IQCE: variants seen among roughly 807,000 people sequenced by gnomAD.
The protein encoded by IQCE is IQ motif containing E, also known as IQ domain-containing protein E.
IQCE carries 115 observed loss-of-function variants against 96.0 expected under a neutral mutation model. The observed-to-expected ratio is 1.20, with a 90% CI of 1.03 to 1.40. The LOEUF is 1.40. Ranked by LOEUF, IQCE falls within the 40% of genes most tolerant of loss-of-function variation. IQCE has a pLI of 0.00. For missense variants in IQCE, 1,041 were observed against 909.1 expected (o/e 1.15, Z -1.87); for synonymous variants, 412 against 371.2 (o/e 1.11, Z -1.26).
chr7:2,587,670 A>G, intron 12 of IQCE, 152 bp from the exon 13 acceptor site: 1 of 741,388 alleles, frequency 1.3e-6, no homozygotes, highest in Non-Finnish European at 2.3e-6. Context: ...CGCTGGCAAA[A>G]TTCTCTGGTA....
intron 1 of IQCE, among the ~76,000 whole-genome samples, chr7:2,565,150 G>A (rs2128428617): frequency 6.6e-6 from 1 of 150,624 alleles, no homozygotes; most frequent in Non-Finnish European, 1.5e-5. Flanking sequence ...GTGTGTGTGT[G>A]TGTGCTGTGT....
At position 2,604,878 on chromosome 7, in the gene IQCE, C is replaced by A; in HGVS notation, c.1633-3C>A. The stretch of plus-strand genomic sequence containing the variant: ...TTTCTCTCCCTGCTTCCTTCCCTGA[C>A]AGGCGGCTGTGGTGCTTCAGGCAGC... On this transcript the variant is annotated splice_polypyrimidine_tract_variant and splice_region_variant and intron_variant, in intron 18 of 21. Coordinates refer to ENST00000402050, the MANE Select transcript of IQCE (RefSeq NM_152558.5). The A allele has an allele frequency of 6.2e-7, 1 of 1,611,488 alleles. No homozygotes were observed.
chr7:2,577,538 T>G (rs1382636092), intron 6 of IQCE, among the ~76,000 whole-genome samples: 15 of 118,914 alleles, frequency 1.3e-4, no homozygotes, highest in African/African-American at 1.4e-4. Context: ...CGTGCCCGCA[T>G]TGGCGTGTGC....
chr7:2,597,161 C>T lies in IQCE; in HGVS notation c.1441-1304C>T, dbSNP rs571764776. On this transcript the variant is annotated intron_variant, in intron 16 of 21. Transcript: ENST00000402050. ...AGGTGAGCCGGCTGGTTAGGGCCGG[C>T]GGGCTGGAAGCTTGAAGAATTTCAG... 69 of 466,356 alleles carry T rather than the reference C, an allele frequency of 1.5e-4. No individual in the cohort carries two copies. In the East Asian group the frequency reaches 1.8e-3, roughly 12 times the overall value. The allele number at this position is 466,356 out of a possible 1,614,324, so 28.9% of individuals were successfully genotyped here.
rs1029169734 is a variant in IQCE at position 2,594,088 on chromosome 7, C to T, written c.1350-798C>T. Among the ~76,000 whole-genome samples the T allele has an allele frequency of 1.1e-4, 17 of 151,888 alleles. 1 individual carries two copies. The highest frequency in any genetic ancestry group is 3.4e-4 in the African/African-American group (14 of 41,400). On this transcript the variant is annotated intron_variant, in intron 15 of 21. Transcript: ENST00000402050. The stretch of plus-strand genomic sequence containing the variant: ...CAGCCTGACCAACATGGTGAAACCC[C>T]GTCTCTACCAAAAATACAAAAATTA...
chr7:2,595,058 A>T, intron 16 of IQCE, 82 bp downstream of exon 16: 1 of 956,408 alleles, frequency 1.0e-6, no homozygotes. Flanking sequence ...CCCTGTCCAG[A>T]GTTTTTTCTG....
intron 14 of IQCE, among the ~76,000 whole-genome samples, chr7:2,591,321 G>A (rs1783565353): frequency 6.6e-6 from 1 of 152,068 alleles, no homozygotes; most frequent in Non-Finnish European, 1.5e-5. Flanking sequence ...GGGAAGGCAG[G>A]GCCTCACCGG....
rs1056568 is a variant in IQCE at position 2,607,316 on chromosome 7, T to G, written c.1969+89T>G. 0.32 allele frequency: 495,862 copies of G among 1,569,804 alleles called. 81,472 individuals carry two copies. The highest frequency in any genetic ancestry group is 0.55 in the East Asian group (23,416 of 42,732). On this transcript the variant is annotated intron_variant, in intron 21 of 21. Transcript: ENST00000402050. ...GTGGCCACCTCCAGGAAGCCCGGGC[T>G]GTGTCGGGACGGAAGGGAGGAGTGT...
chr7:2,610,124 A>C lies in IQCE; in HGVS notation c.2050A>C (p.Ile684Leu). Reference protein sequence around the residue: ...VNSDDSDDIVIAPSLPTKNFP... With the variant: ...VNSDDSDDIVLAPSLPTKNFP... ...CTCCGATGATTCCGACGATATTGTC[A>C]TTGCACCGTCTCTGCCCACGAAGAA... The change falls in exon 22 of 22, where the codon ATT (isoleucine) becomes CTT (leucine). Residue 684 changes from isoleucine to leucine, a missense_variant. Transcript: ENST00000402050. 1 of 1,612,922 alleles carries C rather than the reference A, an allele frequency of 6.2e-7. No individual in the cohort carries two copies. Among genetic ancestry groups the C allele is most frequent in the Non-Finnish European group, 8.5e-7 (1 of 1,178,922 alleles).
chr7:2,604,500 C>G (rs2128471583), intron 18 of IQCE, among the ~76,000 whole-genome samples: 1 of 152,326 alleles, frequency 6.6e-6, no homozygotes, highest in South Asian at 2.1e-4. Flanking sequence ...TAGAAGACAT[C>G]TATGGAAAGT....
intron 1 of IQCE, among the ~76,000 whole-genome samples, chr7:2,561,716 C>T (rs114564988): frequency 0.011 from 1,631 of 152,276 alleles, 30 homozygotes; most frequent in African/African-American, 0.037. Flanking sequence ...CCACCACGTC[C>T]GGCCTTACAA....
rs969894518 is a variant in IQCE at position 2,560,925 on chromosome 7, C to T, written c.36+1708C>T. On this transcript the variant is annotated intron_variant, in intron 1 of 21. Coordinates refer to ENST00000402050, the MANE Select transcript of IQCE (RefSeq NM_152558.5). ...CGAGCCAAGATCGTGCCACTGCACT[C>T]CAGCCTGGCAGCAGAGTGAGACTCT... is the stretch of plus-strand genomic sequence containing the variant. 8.8e-5 allele frequency among the ~76,000 whole-genome samples: 13 copies of T among 147,714 alleles called. No individual in the cohort carries two copies. The Admixed American group carries it at 8.8e-4, about 10-fold the overall frequency.
rs79790733 is a variant in IQCE at position 2,569,155 on chromosome 7, G to A, written c.130+156G>A. Among the ~76,000 whole-genome samples, 1,158 of 152,262 alleles carry A rather than the reference G, an allele frequency of 7.6e-3. 9 individuals are homozygous for A. The highest frequency in any genetic ancestry group is 0.013 in the Non-Finnish European group (875 of 68,032). On this transcript the variant is annotated intron_variant, in intron 3 of 21. Coordinates refer to ENST00000402050, the MANE Select transcript of IQCE (RefSeq NM_152558.5). ...CTGGGGTCTCCCAGTTCGCGCTGGA[G>A]TCTCCCCCTTTCATGTTGGGGTTCA...
At chr7:2,606,281 C>T (rs927372669) in intron 20 of IQCE, among the ~76,000 whole-genome samples, 2 of 152,180 alleles carry the variant, frequency 1.3e-5, no homozygotes, top group African/African-American at 4.8e-5. Context: ...GCTTCACACA[C>T]CGTGTAGCTC....
chr7:2,598,425 C>T, intron 16 of IQCE, 40 bp from the exon 17 acceptor site: 1 of 1,528,170 alleles, frequency 6.5e-7, no homozygotes, highest in South Asian at 1.3e-5. Context: ...TTGTCCCTGC[C>T]CTGGCTTCAT....
intron 11 of IQCE, among the ~76,000 whole-genome samples, chr7:2,585,136 A>G (rs1350875646): frequency 6.6e-6 from 1 of 151,388 alleles, no homozygotes; most frequent in Non-Finnish European, 1.5e-5. Flanking sequence ...CCTGGGTTCA[A>G]GTGATTATCT....
intron 17 of IQCE, 31 bp downstream of exon 17, chr7:2,598,663 C>G (rs1160354971): frequency 1.4e-6 from 2 of 1,462,342 alleles, no homozygotes; most frequent in Non-Finnish European, 9.0e-7. Flanking sequence ...CCGGGCTGCT[C>G]CCTGTGAGTC....
At chr7:2,567,959 C>T (rs747192176) in intron 2 of IQCE, among the ~76,000 whole-genome samples, 15 of 152,332 alleles carry the variant, frequency 9.8e-5, no homozygotes, top group African/African-American at 2.2e-4. Context: ...AAATTCCCCC[C>T]GCGCAGAACT....
chr7:2,582,948 G>A (rs560593301), intron 9 of IQCE, among the ~76,000 whole-genome samples: 49 of 152,276 alleles, frequency 3.2e-4, no homozygotes, highest in Middle Eastern at 3.4e-3. Context: ...TCCTTGTGCT[G>A]TTTTTGGCGT....
Sources: allele counts gnomAD v4.1 joint callset (sites outside exome capture counted in the v4.1 genomes callset), GRCh38; gene constraint gnomAD v4.1.1; transcripts MANE v1.5; gene names NCBI Gene and HGNC (gene_info 2026-07-23, HGNC 2026-07-21).